Variants in NAA38 observed in about 807,000 individuals in gnomAD.
The protein encoded by NAA38 is N-alpha-acetyltransferase 38, NatC auxiliary subunit.
Under a neutral mutation model 12.6 loss-of-function variants are expected in NAA38, and 15 were observed. That is an observed-to-expected ratio of 1.19 (90% CI 0.79 to 1.83). The LOEUF (loss-of-function observed/expected upper bound fraction) is 1.83, where lower values mean the gene tolerates loss of function less well. NAA38 is among the 40% of genes most tolerant of loss of function. The probability of loss-of-function intolerance (pLI) is 0.00; values close to 1 mark genes in which losing one functional copy is unlikely to be tolerated. For synonymous variants in NAA38, 88 were observed against 69.9 expected, an observed-to-expected ratio of 1.26 and a Z score of -1.29; for missense variants, 183 against 171.7, an observed-to-expected ratio of 1.07 and a Z score of -0.37.
At chr17:7,876,792 T>C (rs1967181796) in intron 2 of NAA38, among the ~76,000 whole-genome samples, 1 of 152,206 alleles carries the variant, frequency 6.6e-6, no homozygotes, top group Non-Finnish European at 1.5e-5. Context: ...CAAATTGCTT[T>C]ATAAGATGTA....
At chr17:7,859,266 C>T (rs1433547591), upstream of NAA38, 13 of 771,300 alleles carry the variant, frequency 1.7e-5, no homozygotes, top group South Asian at 1.4e-4. Flanking sequence ...TTTTTTTTCC[C>T]GGGGCCGTAG....
At chr17:7,857,827 A>C, upstream of NAA38, 1 of 1,348,952 alleles carries the variant, frequency 7.4e-7, no homozygotes. Context: ...AGGCCACTGA[A>C]TTAAAACGGA....
chr17:7,884,457 C>CATATGTAT, intron 1 of NAA38, among the ~76,000 whole-genome samples: 1 of 130,830 alleles, frequency 7.6e-6, no homozygotes, highest in South Asian at 2.5e-4. Flanking sequence ...TATATATATA[C>CATATGTAT]ATATATATAT....
upstream of NAA38, chr17:7,857,742 C>A (rs2078840833): frequency 7.8e-7 from 1 of 1,279,402 alleles, no homozygotes; most frequent in African/African-American, 1.5e-5. Context: ...AGCGAGAATA[C>A]ATTCTTTCAT....
chr17:7,864,159 C>T (rs531091020), intron 3 of NAA38: 8 of 152,282 alleles, frequency 5.3e-5, no homozygotes, highest in South Asian at 4.1e-4. Flanking sequence ...GTAGAGTACA[C>T]GGTTTGGCTG....
upstream of NAA38, chr17:7,862,875 GAA>G (rs2078892616): frequency 6.6e-6 from 1 of 152,164 alleles, no homozygotes; most frequent in African/African-American, 2.4e-5. Flanking sequence ...AGCCTGGAGG[GAA>G]AACCCTTCCA....
chr17:7,872,570 T>C (rs1967105134), intron 2 of NAA38, among the ~76,000 whole-genome samples: 1 of 151,814 alleles, frequency 6.6e-6, no homozygotes, highest in South Asian at 2.1e-4. Flanking sequence ...ACCATGTCGG[T>C]CAGGCTGGTC....
intron 3 of NAA38, chr17:7,866,402 CCGG>C: frequency 8.9e-7 from 1 of 1,119,838 alleles, no homozygotes; most frequent in Non-Finnish European, 1.1e-6. Context: ...GCCATTGCGC[CCGG>C]CCGCCACGGG....
At chr17:7,857,301 G>A (rs1477086467) in intron 1 of NAA38, 82 bp downstream of exon 1, 2 of 1,611,892 alleles carry the variant, frequency 1.2e-6, no homozygotes, top group Non-Finnish European at 1.7e-6. Flanking sequence ...AAGCCCAGAG[G>A]CTGCCGGGAG....
intron 2 of NAA38, among the ~76,000 whole-genome samples, chr17:7,882,567 A>T (rs1400933279): frequency 6.6e-6 from 1 of 152,162 alleles, no homozygotes; most frequent in Non-Finnish European, 1.5e-5. Context: ...ACTAGTAAAG[A>T]GGGACAGAGA....
At chr17:7,859,134 C>A (rs1302967852), upstream of NAA38, 10 of 588,896 alleles carry the variant, frequency 1.7e-5, no homozygotes, top group Non-Finnish European at 3.0e-6. Flanking sequence ...TTTTAATCTA[C>A]TCTGTTGCAT....
chr17:7,868,839 A>G (rs192154274), intron 2 of NAA38, among the ~76,000 whole-genome samples: 1 of 152,334 alleles, frequency 6.6e-6, no homozygotes, highest in Non-Finnish European at 1.5e-5. Flanking sequence ...TCAGTTTCCA[A>G]CCTAACAATA....
chr17:7,885,402 G>A (rs1967731730), upstream of NAA38, among the ~76,000 whole-genome samples: 1 of 149,520 alleles, frequency 6.7e-6, no homozygotes, highest in South Asian at 2.1e-4. Flanking sequence ...CCACTCGGTC[G>A]CGGCTTTCGG....
chr17:7,866,578 T>C (rs1966987329), intron 2 of NAA38: 1 of 1,147,530 alleles, frequency 8.7e-7, no homozygotes, highest in Non-Finnish European at 1.1e-6. Context: ...CCCCCAAGCT[T>C]TGCATCAGAG....
upstream of NAA38, chr17:7,859,058 T>C (rs534259397): frequency 1.8e-6 from 1 of 568,910 alleles, no homozygotes; most frequent in South Asian, 2.4e-5. Context: ...CAGCAGTTCA[T>C]GTATCTTAGT....
rs534591973 is a variant in NAA38, at chr17:7,873,963, A to G, written c.-65-7405T>C. ...TAGGAAAAAGGATTCCTGAACAGAA[A>G]CACTGGTCTGAATGGTCATGGTGTT... On this transcript the variant is annotated intron_variant, in intron 2 of 4. Transcript: ENST00000576861. Among the ~76,000 whole-genome samples, 15 of 152,352 alleles carry G rather than the reference A, an allele frequency of 9.8e-5. 1 individual carries two copies. The South Asian group carries it at 3.1e-3, about 32-fold the overall frequency.
In NAA38 at chr17:7,857,371, G is replaced by T. The variant is rs1402518237; in HGVS notation, c.81+12C>A. ...ACTGCCCCTCAGTCCCAGAACCAGA[G>T]CCCGTGCTAACCCCAGCACTGGAGC... On this transcript the variant is annotated intron_variant, in intron 1 of 2. Coordinates refer to ENST00000575771, the MANE Select transcript of NAA38 (RefSeq NM_001320925.4). The T allele has an allele frequency of 6.2e-7, 1 of 1,612,538 alleles. No homozygotes were observed. Among genetic ancestry groups the T allele is most frequent in the African/African-American group, 1.3e-5 (1 of 74,748 alleles).
rs781031459 is a variant in NAA38 at position 7,857,210 on chromosome 17, G to T, written c.82-12C>A. 3 of 1,612,716 alleles carry T rather than the reference G, an allele frequency of 1.9e-6. No homozygotes were observed. Among genetic ancestry groups the T allele is most frequent in the Admixed American group, 1.7e-5 (1 of 60,002 alleles). ...TCTCCGTCCGAATCCTGCGCGGGGT[G>T]TAACAAGCGCTCAGACCGCGCAGCC... On this transcript the variant is annotated splice_polypyrimidine_tract_variant and intron_variant, in intron 1 of 2. Transcript: ENST00000575771.
Position 7,857,545 on chromosome 17 carries a change from G to C in NAA38, c.-82C>G. 6.9e-7 allele frequency: 1 copy of C among 1,446,738 alleles called. No homozygotes were observed. Among genetic ancestry groups the C allele is most frequent in the Non-Finnish European group, 9.1e-7 (1 of 1,103,500 alleles). 89.6% of individuals were successfully genotyped at this position (1,446,738 alleles called of 1,614,324 possible). On this transcript the variant is annotated 5_prime_UTR_variant, in exon 1 of 3. Coordinates refer to ENST00000575771, the MANE Select transcript of NAA38 (RefSeq NM_001320925.4). ...GGTCCGAGATCTCGCGAGCGCTCCCGACCTCTTTCCTTTCGCGAGATCCCC... is the reference window on the plus strand; with the variant it reads ...GGTCCGAGATCTCGCGAGCGCTCCCCACCTCTTTCCTTTCGCGAGATCCCC...
Sources: allele counts gnomAD v4.1 joint callset (sites outside exome capture counted in the v4.1 genomes callset), GRCh38; gene constraint gnomAD v4.1.1; transcripts MANE v1.5; gene names NCBI Gene and HGNC (gene_info 2026-07-23, HGNC 2026-07-21).